The following WDPCP variants were observed in gnomAD, a reference collection of about 807,000 sequenced individuals.
The protein encoded by WDPCP is WD repeat-containing and planar cell polarity effector protein fritz homolog.
A neutral mutation model predicts 93.1 loss-of-function variants in WDPCP; 71 were observed. That is an observed-to-expected ratio of 0.76 (90% CI 0.63 to 0.93). WDPCP has a LOEUF of 0.93. WDPCP is among the 40% of genes least tolerant of loss of function. WDPCP has a pLI of 0.00. For missense variants in WDPCP, 844 were observed against 887.4 expected (o/e 0.95, Z 0.62); for synonymous variants, 315 against 315.0 (o/e 1.00, Z 0.00).
intron 13 of WDPCP, among the ~76,000 whole-genome samples, chr2:63,305,473 A>G (rs566381584): frequency 2.0e-5 from 3 of 152,226 alleles, no homozygotes; most frequent in Admixed American, 6.5e-5. Flanking sequence ...CCTGACTACT[A>G]GAAGGAAAAC....
At chr2:63,622,325 C>A (rs1709751003) in intron 3 of WDPCP, 8 of 1,597,394 alleles carry the variant, frequency 5.0e-6, no homozygotes, top group Non-Finnish European at 6.0e-6. Context: ...CCTCGCCTTG[C>A]AGCTTAGTCA....
chr2:63,559,334 C>G (rs1377086653), intron 1 of WDPCP, among the ~76,000 whole-genome samples: 1 of 152,090 alleles, frequency 6.6e-6, no homozygotes, highest in Admixed American at 6.6e-5. Flanking sequence ...TGGGCAAAAG[C>G]TGGAAGCATT....
chr2:63,288,168 T>G (rs1684148779), intron 13 of WDPCP, among the ~76,000 whole-genome samples: 1 of 152,144 alleles, frequency 6.6e-6, no homozygotes, highest in African/African-American at 2.4e-5. Flanking sequence ...GATGGCACAG[T>G]TGACATTCCA....
At chr2:63,754,772 A>T (rs895187403) in intron 2 of WDPCP, among the ~76,000 whole-genome samples, 5 of 152,248 alleles carry the variant, frequency 3.3e-5, no homozygotes, top group African/African-American at 1.2e-4. Flanking sequence ...ATTGCCATCC[A>T]GCTGACTGGG....
intron 2 of WDPCP, among the ~76,000 whole-genome samples, chr2:63,737,076 C>G (rs1232694213): frequency 6.6e-6 from 1 of 152,166 alleles, no homozygotes; most frequent in Non-Finnish European, 1.5e-5. Flanking sequence ...ACAGGGATGT[C>G]TCATGTGTAC....
chr2:63,708,323 A>G (rs533272048), intron 2 of WDPCP, among the ~76,000 whole-genome samples: 283 of 152,310 alleles, frequency 1.9e-3, no homozygotes, highest in African/African-American at 6.3e-3. Context: ...ATCCTGGGCA[A>G]TGGCGGGCCC....
chr2:63,491,816 AT>A (rs1700896049), intron 2 of WDPCP, among the ~76,000 whole-genome samples: 1 of 152,164 alleles, frequency 6.6e-6, no homozygotes, highest in Non-Finnish European at 1.5e-5. Flanking sequence ...TCTTTCCAGA[AT>A]TTTGAGTCAT....
chr2:63,391,424 C>T lies in WDPCP; in HGVS notation c.1436-9330G>A, dbSNP rs922808434. ...ATAAGAGCTATTTATGACAAACCCACAGCCAATATCATACTGAATGGGCAA... is the reference window on the plus strand; with the variant it reads ...ATAAGAGCTATTTATGACAAACCCATAGCCAATATCATACTGAATGGGCAA... On this transcript the variant is annotated intron_variant, in intron 10 of 17. Transcript: ENST00000272321. Among the ~76,000 whole-genome samples the T allele has an allele frequency of 3.9e-5, 6 of 152,278 alleles. No individual in the cohort carries two copies. The East Asian group carries it at 5.8e-4, about 15-fold the overall frequency.
chr2:63,283,218 G>T (rs1302201988), intron 13 of WDPCP, among the ~76,000 whole-genome samples: 1 of 152,126 alleles, frequency 6.6e-6, no homozygotes, highest in African/African-American at 2.4e-5. Flanking sequence ...AGAAATCTTA[G>T]AATTTTTTTT....
At chr2:63,361,990 G>A (rs190311799) in intron 12 of WDPCP, among the ~76,000 whole-genome samples, 2 of 152,170 alleles carry the variant, frequency 1.3e-5, no homozygotes, top group Admixed American at 1.3e-4. Context: ...GTGATATTTT[G>A]ACACCTGTGT....
intron 17 of WDPCP, among the ~76,000 whole-genome samples, chr2:63,127,923 C>T (rs891093653): frequency 9.2e-5 from 14 of 151,888 alleles, no homozygotes; most frequent in African/African-American, 3.4e-4. Flanking sequence ...TGGATCACTT[C>T]AGGTCAGAAG....
chr2:63,807,729 C>T (rs538887371), intron 2 of WDPCP, among the ~76,000 whole-genome samples: 1 of 152,156 alleles, frequency 6.6e-6, no homozygotes, highest in Non-Finnish European at 1.5e-5. Flanking sequence ...CAATTTGTCT[C>T]ACTTCTCAAA....
At chr2:63,648,616 AC>A (rs1025703677) in intron 3 of WDPCP, among the ~76,000 whole-genome samples, 2 of 152,208 alleles carry the variant, frequency 1.3e-5, no homozygotes, top group African/African-American at 4.8e-5. Context: ...ATAAATGGAA[AC>A]CAAAAAATGT....
chr2:63,695,752 T>C (rs1668952698), intron 2 of WDPCP, among the ~76,000 whole-genome samples: 1 of 152,166 alleles, frequency 6.6e-6, no homozygotes, highest in African/African-American at 2.4e-5. Context: ...CAAAATGTTA[T>C]CCACCCCCTA....
At chr2:63,559,289 G>C (rs6724160) in intron 1 of WDPCP, among the ~76,000 whole-genome samples, 122,328 of 152,142 alleles carry the variant, frequency 0.8, 49,838 homozygotes, top group East Asian at 0.98. Flanking sequence ...AAATAATAGC[G>C]ATTTATGACA....
chr2:63,718,428 T>C (rs1169164366), intron 2 of WDPCP, among the ~76,000 whole-genome samples: 1 of 152,220 alleles, frequency 6.6e-6, no homozygotes, highest in Non-Finnish European at 1.5e-5. Context: ...TGTTGTTTTT[T>C]AACGTTTTAT....
At chr2:63,562,680 C>A (rs1245725725) in intron 1 of WDPCP, among the ~76,000 whole-genome samples, 1 of 152,170 alleles carries the variant, frequency 6.6e-6, no homozygotes, top group East Asian at 1.9e-4. Context: ...TGGTATTATA[C>A]TGTAAGGTAG....
intron 12 of WDPCP, among the ~76,000 whole-genome samples, chr2:63,372,960 C>G (rs1388867489): frequency 6.6e-6 from 1 of 152,014 alleles, no homozygotes; most frequent in Admixed American, 6.6e-5. Context: ...CCCATCTCTA[C>G]TAAAAATACA....
rs935166631 is a variant in WDPCP at position 63,599,473 on chromosome 2, C to A, written n.488+51186G>T. The A allele has an allele frequency of 7.9e-6, 4 of 507,112 alleles. No individual in the cohort carries two copies. In the East Asian group the frequency reaches 1.7e-4, roughly 21 times the overall value. 31.4% of individuals were successfully genotyped at this position (507,112 alleles called of 1,614,324 possible). On this transcript the variant is annotated intron_variant and non_coding_transcript_variant, in intron 3 of 4. Transcript: ENST00000467687. The stretch of plus-strand genomic sequence containing the variant: ...TTGTTAGGGAGTCTTTAAATGTATT[C>A]TCTTAAAGGACCAGAGGCTGGACTT...
Sources: gnomAD v4.1 joint callset for allele counts (sites outside exome capture counted in the v4.1 genomes callset) on GRCh38, gnomAD v4.1.1 for gene constraint, MANE v1.5 for transcripts, NCBI Gene and HGNC (gene_info 2026-07-23, HGNC 2026-07-21) for gene names.